The following PNPLA5 variants were observed in gnomAD, a reference collection of about 807,000 sequenced individuals.
The protein encoded by PNPLA5 is patatin like domain 5, triacylglycerol lipase.
PNPLA5 carries 44 observed loss-of-function variants against 49.1 expected under a neutral mutation model. The ratio of observed to expected loss-of-function variants is 0.90; its 90% confidence interval spans 0.70 to 1.15. The LOEUF is 1.15. PNPLA5 is among the 50% of genes most tolerant of loss of function. The pLI is 0.00. For missense variants in PNPLA5, 603 were observed against 564.0 expected, an observed-to-expected ratio of 1.07 and a Z score of -0.70; for synonymous variants, 243 against 244.4, an observed-to-expected ratio of 0.99 and a Z score of 0.06.
chr22:43,880,868 A>T lies in PNPLA5; in HGVS notation c.1217T>A (p.Val406Asp), dbSNP rs1039549975. The change falls in exon 9 of 9, where the codon GTC becomes GAC. Residue 406 changes from valine (V) to aspartate (D), a missense_variant. Physicochemically the swap from Val to Asp is radical, Grantham distance 152 (BLOSUM62 -3). Coordinates refer to ENST00000216177, the MANE Select transcript of PNPLA5 (RefSeq NM_138814.4). ...LGPISPPATR[V>D]LETSPLQPQI... ...GGGTTGGAGGGGGCTTGTTTCCAGG[A>T]CGCGAGTGGCCGGAGGGCTGTGGAG... 5.2e-6 allele frequency: 7 copies of T among 1,337,250 alleles called. No individual in the cohort carries two copies. The highest frequency in any genetic ancestry group is 6.8e-6 in the Non-Finnish European group (7 of 1,036,076). 82.8% of individuals were successfully genotyped at this position (1,337,250 alleles called of 1,614,324 possible).
At position 43,884,248 on chromosome 22, in the gene PNPLA5, T is replaced by G. The variant is rs752888787; in HGVS notation, c.1047A>C (p.Thr349=). 6.3e-7 allele frequency: 1 copy of G among 1,585,352 alleles called. No homozygotes were observed. The highest frequency in any genetic ancestry group is 8.6e-7 in the Non-Finnish European group (1 of 1,165,524). ...QVLTYLLLPC[T]LPFEYIYFRS... Reference sequence around the variant, plus strand: ...GGAAGTAGATGTACTCGAAGGGCAGTGTGCAGGGTAGCAGCAGGTACGTCA... The same window carrying G: ...GGAAGTAGATGTACTCGAAGGGCAGGGTGCAGGGTAGCAGCAGGTACGTCA... Residue 349 remains threonine, a synonymous_variant, in exon 7 of 9, where the codon ACA becomes ACC. Transcript: ENST00000216177.
At chr22:43,890,015 A>G in intron 2 of PNPLA5, 151 bp from the exon 3 acceptor site, 1 of 1,426,240 alleles carries the variant, frequency 7.0e-7, no homozygotes. Context: ...CCTCCCAGCC[A>G]AGCTCTCCAA....
At chr22:43,885,976 CA>C (rs1331160466) in intron 6 of PNPLA5, among the ~76,000 whole-genome samples, 1 of 152,238 alleles carries the variant, frequency 6.6e-6, no homozygotes, top group Non-Finnish European at 1.5e-5. Flanking sequence ...GGGCAGTGGG[CA>C]AAGACCTGGC....
chr22:43,889,950 GC>G (rs2049706986), intron 2 of PNPLA5, 86 bp from the exon 3 acceptor site: 2 of 1,544,788 alleles, frequency 1.3e-6, no homozygotes, highest in East Asian at 4.8e-5. Context: ...AATCCCAACA[GC>G]CTGCAAAGGA....
In PNPLA5 at chr22:43,891,171, G is replaced by C. The variant is rs367895146; in HGVS notation, c.317C>G (p.Pro106Arg). The C allele has an allele frequency of 1.3e-5, 20 of 1,599,252 alleles. No homozygotes were observed. The East Asian group carries it at 4.5e-4, about 36-fold the overall frequency. ...CTGGGAGGCCAGGACGTGGGCGTCG[G>C]GGGGCAGAGCATCCTGCAGCTGCTG... ...VKQQLQDALP[P>R]DAHVLASQRL... The change falls in exon 2 of 9, where the codon CCC (proline) becomes CGC (arginine). Residue 106 changes from proline to arginine, a missense_variant. Pro to Arg is a moderately radical substitution (Grantham distance 103). Coordinates refer to ENST00000216177, the MANE Select transcript of PNPLA5 (RefSeq NM_138814.4).
intron 4 of PNPLA5, among the ~76,000 whole-genome samples, chr22:43,888,926 G>C (rs1261188766): frequency 6.6e-6 from 1 of 152,184 alleles, no homozygotes. Context: ...TCCTGGTTTT[G>C]CTGCTTCCAG....
intron 5 of PNPLA5, among the ~76,000 whole-genome samples, chr22:43,886,727 C>T (rs983878446): frequency 6.6e-6 from 1 of 152,206 alleles, no homozygotes; most frequent in Non-Finnish European, 1.5e-5. Flanking sequence ...ATCCAGAGTT[C>T]GAATTCTGGC....
chr22:43,887,495 T>A, intron 5 of PNPLA5, 96 bp downstream of exon 5: 2 of 1,401,632 alleles, frequency 1.4e-6, no homozygotes, highest in Non-Finnish European at 2.0e-6. Context: ...GAGACTGAGT[T>A]AGCCCATGTC....
rs1340845634 is a variant in PNPLA5, at chr22:43,891,746, G to C, written c.135C>G (p.Ile45Met). Residue 45 changes from isoleucine (I) to methionine (M), a missense_variant, in exon 1 of 9, where the codon ATC becomes ATG. Ile to Met is a conservative substitution (Grantham distance 10). Transcript: ENST00000216177. ...APRLLQGARR[I>M]YGSSSGALNA... ...TGAGCGCCCCAGACGAGGAACCGTA[G>C]ATGCGGCGGGCGCCCTGGAGGAGGC... is the stretch of plus-strand genomic sequence containing the variant. 37 of 1,544,706 alleles carry C rather than the reference G, an allele frequency of 2.4e-5. No individual in the cohort carries two copies. The highest frequency in any genetic ancestry group is 3.2e-5 in the Non-Finnish European group (37 of 1,144,988).
intron 6 of PNPLA5, 168 bp from the exon 7 acceptor site, chr22:43,884,513 T>A: frequency 3.1e-6 from 2 of 649,974 alleles, no homozygotes; most frequent in Non-Finnish European, 3.8e-6. Context: ...TCTGCGCTCA[T>A]CGTTGTCCGT....
At chr22:43,889,561 G>A (rs373641260) in intron 3 of PNPLA5, 23 bp from the exon 4 acceptor site, 88 of 1,581,652 alleles carry the variant, frequency 5.6e-5, no homozygotes, top group South Asian at 7.0e-5. Context: ...GGGAGCAGGT[G>A]GGTGGTGCTG....
intron 6 of PNPLA5, among the ~76,000 whole-genome samples, chr22:43,885,354 C>A (rs713631): frequency 0.36 from 51,494 of 143,866 alleles, 10,400 homozygotes; most frequent in East Asian, 0.92. Flanking sequence ...GACCGCCATC[C>A]CTCTCCTCCC....
rs989356494 is a variant in PNPLA5 at position 43,880,585 on chromosome 22, G to C, written c.*210C>G. 2.4e-6 allele frequency: 1 copy of C among 415,274 alleles called. No homozygotes were observed. The highest frequency in any genetic ancestry group is 4.1e-6 in the Non-Finnish European group (1 of 241,180). 25.7% of individuals were successfully genotyped at this position (415,274 alleles called of 1,614,324 possible). A position where few individuals can be genotyped will look rare whatever the true frequency, so the allele number is the denominator to read the frequency against. On this transcript the variant is annotated 3_prime_UTR_variant, in exon 9 of 9. Coordinates refer to ENST00000216177, the MANE Select transcript of PNPLA5 (RefSeq NM_138814.4). The stretch of plus-strand genomic sequence containing the variant: ...CTGTCCTCCTTTCTCTCCCTGATGA[G>C]ACGGGGCAAGAGGGAGGGCAGGTGA...
chr22:43,889,286 G>T (rs1380234095), intron 4 of PNPLA5, 43 bp downstream of exon 4: 1 of 1,605,068 alleles, frequency 6.2e-7, no homozygotes, highest in South Asian at 1.1e-5. Flanking sequence ...CGGGGCCCTT[G>T]ACCTTGGCCA....
rs1281183895 is a variant in PNPLA5, at chr22:43,886,295, G to A, written c.949+8C>T. The A allele has an allele frequency of 1.7e-5, 28 of 1,609,102 alleles. No individual in the cohort carries two copies. The highest frequency in any genetic ancestry group is 2.2e-5 in the Non-Finnish European group (26 of 1,177,294). On this transcript the variant is annotated splice_region_variant and intron_variant, in intron 6 of 8. Transcript: ENST00000216177. ...TGGTAGGTGAGCAAATGCAGGTAGAGTCCCTACCAGCCTCCAGCTCTGGTG... is the reference window on the plus strand; with the variant it reads ...TGGTAGGTGAGCAAATGCAGGTAGAATCCCTACCAGCCTCCAGCTCTGGTG...
rs1158337857 is a variant in PNPLA5 at position 43,880,340 on chromosome 22, A to C, written c.*455T>G. On this transcript the variant is annotated 3_prime_UTR_variant, in exon 9 of 9. Transcript: ENST00000216177. ...GGGGTAGATGCCGGGGGTCACCCCCAAGGGCCGCTGCAGGACTGAGAAAGT... is the reference window on the plus strand; with the variant it reads ...GGGGTAGATGCCGGGGGTCACCCCCCAGGGCCGCTGCAGGACTGAGAAAGT... 1.3e-5 allele frequency: 5 copies of C among 398,406 alleles called. No individual in the cohort carries two copies. In the East Asian group the frequency reaches 1.8e-4, roughly 14 times the overall value. The allele number at this position is 398,406 out of a possible 1,614,324, so 24.7% of individuals were successfully genotyped here.
intron 4 of PNPLA5, 70 bp from the exon 5 acceptor site, chr22:43,887,721 C>T: frequency 6.4e-7 from 1 of 1,554,000 alleles, no homozygotes; most frequent in East Asian, 2.4e-5. Context: ...TGTCACAGGC[C>T]AGAGACTTAT....
intron 7 of PNPLA5, among the ~76,000 whole-genome samples, chr22:43,882,997 T>C (rs2049625826): frequency 6.6e-6 from 1 of 152,180 alleles, no homozygotes; most frequent in African/African-American, 2.4e-5. Flanking sequence ...CAGCCTCCCC[T>C]GCGTCGTGTA....
chr22:43,880,456 C>G lies in PNPLA5; in HGVS notation c.*339G>C. On this transcript the variant is annotated 3_prime_UTR_variant, in exon 9 of 9. Transcript: ENST00000216177. ...CACTTTCTCAATCTTCTGTGAGGTG[C>G]TCCGTGGGCAGCTCCACGGCAGAAC... The G allele has an allele frequency of 2.5e-6, 1 of 398,730 alleles. No homozygotes were observed. 24.7% of individuals were successfully genotyped at this position (398,730 alleles called of 1,614,324 possible).
Sources: allele counts gnomAD v4.1 joint callset (sites outside exome capture counted in the v4.1 genomes callset), GRCh38; gene constraint gnomAD v4.1.1; transcripts MANE v1.5; gene names NCBI Gene and HGNC (gene_info 2026-07-23, HGNC 2026-07-21).